The following REC114 variants were observed in gnomAD, a reference collection of about 807,000 sequenced individuals.
The protein encoded by REC114 is meiotic recombination protein REC114.
REC114 carries 27 observed loss-of-function variants against 31.3 expected under a neutral mutation model. That is an observed-to-expected ratio of 0.86 (90% CI 0.64 to 1.19). The LOEUF is 1.19. Ranked by LOEUF, REC114 falls within the 50% of genes most tolerant of loss-of-function variation. The pLI is 0.00. For synonymous variants in REC114, 134 were observed against 127.7 expected, an observed-to-expected ratio of 1.05 and a Z score of -0.33; for missense variants, 344 against 326.9, an observed-to-expected ratio of 1.05 and a Z score of -0.40.
rs1024290084 is a variant in REC114 at position 73,481,271 on chromosome 15, A to T, written c.249+7350A>T. Among the ~76,000 whole-genome samples, 142 of 151,938 alleles carry T rather than the reference A, an allele frequency of 9.3e-4. 1 individual carries two copies. The highest frequency in any genetic ancestry group is 1.9e-4 in the Non-Finnish European group (13 of 67,966). On this transcript the variant is annotated intron_variant, in intron 2 of 5. Coordinates refer to ENST00000331090, the MANE Select transcript of REC114 (RefSeq NM_001042367.2). ...TTCCTTTAACCATCATAGGTCTTTG[A>T]TTGCCACTCCCTGTGAGATCCATGG...
intron 2 of REC114, among the ~76,000 whole-genome samples, chr15:73,475,627 T>C (rs949627994): frequency 5.3e-5 from 8 of 152,214 alleles, no homozygotes; most frequent in African/African-American, 1.7e-4. Flanking sequence ...TTTTTTGAAG[T>C]TTATAATGTA....
intron 2 of REC114, among the ~76,000 whole-genome samples, chr15:73,513,861 G>A (rs1297513641): frequency 6.6e-6 from 1 of 151,870 alleles, no homozygotes; most frequent in South Asian, 2.1e-4. Flanking sequence ...TGTCAGACAG[G>A]GACATTTAAG....
chr15:73,458,931 T>C (rs1230224237), intron 1 of REC114, among the ~76,000 whole-genome samples: 2 of 152,224 alleles, frequency 1.3e-5, no homozygotes, highest in Admixed American at 1.3e-4. Flanking sequence ...GGAGGGTAAC[T>C]GGCAGTCTGC....
intron 2 of REC114, among the ~76,000 whole-genome samples, chr15:73,535,710 A>G (rs1894145424): frequency 6.8e-6 from 1 of 146,608 alleles, no homozygotes; most frequent in South Asian, 2.3e-4. Flanking sequence ...AAGAGCCTGC[A>G]TCGCCAAGTC....
chr15:73,459,661 T>A (rs1892964014), intron 1 of REC114, among the ~76,000 whole-genome samples: 1 of 152,254 alleles, frequency 6.6e-6, no homozygotes, highest in Admixed American at 6.5e-5. Context: ...ATTCCTGGCC[T>A]CTTGAAGTTA....
chr15:73,540,434 A>T, intron 2 of REC114, 51 bp from the exon 3 acceptor site: 1 of 1,228,852 alleles, frequency 8.1e-7, no homozygotes, highest in Non-Finnish European at 1.2e-6. Flanking sequence ...AGCCATAGCT[A>T]TTCTTCATAT....
chr15:73,527,224 C>G (rs1056898491), intron 2 of REC114, among the ~76,000 whole-genome samples: 3 of 152,230 alleles, frequency 2.0e-5, no homozygotes, highest in Non-Finnish European at 4.4e-5. Context: ...GTTTGACTTA[C>G]AATTCCTGGT....
intron 1 of REC114, among the ~76,000 whole-genome samples, chr15:73,456,778 C>T: frequency 6.6e-6 from 1 of 152,146 alleles, no homozygotes; most frequent in Non-Finnish European, 1.5e-5. Flanking sequence ...AATTTAGACA[C>T]TCCTTTTCTT....
Position 73,473,814 on chromosome 15 carries a change from C to T in REC114, c.160-18C>T, listed in dbSNP as rs188466527. 66 of 1,408,118 alleles carry T rather than the reference C, an allele frequency of 4.7e-5. 1 individual carries two copies. The highest frequency in any genetic ancestry group is 2.0e-4 in the Admixed American group (10 of 49,030). The allele number at this position is 1,408,118 out of a possible 1,614,324, so 87.2% of individuals were successfully genotyped here. On this transcript the variant is annotated intron_variant, in intron 1 of 5. Transcript: ENST00000331090. Reference sequence around the variant, plus strand: ...AATGTATTATCTTTTACATATTTTTCTCCTTCTCCCTTTCAAGGTTTTTGA... The same window carrying T: ...AATGTATTATCTTTTACATATTTTTTTCCTTCTCCCTTTCAAGGTTTTTGA...
intron 3 of REC114, among the ~76,000 whole-genome samples, chr15:73,549,499 A>G (rs1048936972): frequency 6.6e-6 from 1 of 152,190 alleles, no homozygotes; most frequent in African/African-American, 2.4e-5. Context: ...TTGTAACACA[A>G]AGGATAAGTG....
intron 1 of REC114, among the ~76,000 whole-genome samples, chr15:73,469,218 T>C (rs1156330217): frequency 1.3e-5 from 2 of 152,162 alleles, no homozygotes; most frequent in Non-Finnish European, 1.5e-5. Context: ...CTGACTGTAA[T>C]TGTGAACTTG....
chr15:73,558,287 AAAG>A (rs1356437340), intron 5 of REC114, among the ~76,000 whole-genome samples: 1 of 152,238 alleles, frequency 6.6e-6, no homozygotes, highest in Non-Finnish European at 1.5e-5. Context: ...CTATCCACGT[AAAG>A]AATAAAACCA....
intron 2 of REC114, among the ~76,000 whole-genome samples, chr15:73,514,035 T>G (rs1893819073): frequency 6.6e-6 from 1 of 152,034 alleles, no homozygotes; most frequent in East Asian, 1.9e-4. Flanking sequence ...CGGGCGCCCC[T>G]CCCCCAGCCT....
At chr15:73,450,470 C>T (rs1038406816) in intron 1 of REC114, among the ~76,000 whole-genome samples, 1 of 152,142 alleles carries the variant, frequency 6.6e-6, no homozygotes, top group Non-Finnish European at 1.5e-5. Context: ...TACAGGAGCA[C>T]CCAGATTCAT....
At chr15:73,475,536 A>G (rs1341977622) in intron 2 of REC114, among the ~76,000 whole-genome samples, 1 of 152,230 alleles carries the variant, frequency 6.6e-6, no homozygotes, top group Non-Finnish European at 1.5e-5. Flanking sequence ...TTAAAATACA[A>G]TGATTTTAAA....
chr15:73,556,134 A>G (rs1894462938), intron 4 of REC114, among the ~76,000 whole-genome samples, 168 bp from the exon 5 acceptor site: 1 of 152,258 alleles, frequency 6.6e-6, no homozygotes, highest in Non-Finnish European at 1.5e-5. Flanking sequence ...TGGTAACTCA[A>G]GTAACCCTCC....
At chr15:73,497,881 A>G (rs922196293) in intron 2 of REC114, among the ~76,000 whole-genome samples, 1 of 152,206 alleles carries the variant, frequency 6.6e-6, no homozygotes, top group Non-Finnish European at 1.5e-5. Context: ...AACACAGAGC[A>G]GCATTTATTT....
intron 2 of REC114, among the ~76,000 whole-genome samples, chr15:73,493,543 G>T (rs981947372): frequency 2.0e-5 from 3 of 151,500 alleles, no homozygotes; most frequent in Non-Finnish European, 2.9e-5. Flanking sequence ...TTATCCTCAT[G>T]CATGGAGATG....
rs370320719 is a variant in REC114, at chr15:73,552,402, A to C, written c.546+1252A>C. 4.2e-4 allele frequency among the ~76,000 whole-genome samples: 64 copies of C among 152,364 alleles called. No individual in the cohort carries two copies. The South Asian group carries it at 0.013, about 31-fold the overall frequency. The stretch of plus-strand genomic sequence containing the variant: ...GGTAGTAAAGAGATTTGCAAAAATC[A>C]TTATTTTGTTTTAGAAAAGTTATTT... On this transcript the variant is annotated intron_variant, in intron 4 of 5. Coordinates refer to ENST00000331090, the MANE Select transcript of REC114 (RefSeq NM_001042367.2).
Sources: gnomAD v4.1 joint callset for allele counts (sites outside exome capture counted in the v4.1 genomes callset) on GRCh38, gnomAD v4.1.1 for gene constraint, MANE v1.5 for transcripts, NCBI Gene and HGNC (gene_info 2026-07-23, HGNC 2026-07-21) for gene names.